PPP3R1: variants seen among roughly 807,000 people sequenced by gnomAD.
The protein encoded by PPP3R1 is calcineurin subunit B type 1.
A neutral mutation model predicts 22.6 loss-of-function variants in PPP3R1; 5 were observed. The observed-to-expected ratio is 0.22, with a 90% CI of 0.12 to 0.46. The LOEUF is 0.46. PPP3R1 is among the 20% of genes least tolerant of loss of function. The pLI is 0.99. For synonymous variants in PPP3R1, 56 were observed against 65.2 expected, an observed-to-expected ratio of 0.86 and a Z score of 0.68; for missense variants, 61 against 203.2, an observed-to-expected ratio of 0.30 and a Z score of 4.25.
In PPP3R1 at chr2:68,232,251, GTGTGTGTGTGTGTGTATA is replaced by G. The variant is rs1558641510; in HGVS notation, c.4-15138_4-15121del. Among the ~76,000 whole-genome samples, 61 of 77,512 alleles carry G rather than the reference GTGTGTGTGTGTGTGTATA, an allele frequency of 7.9e-4. 1 individual carries two copies. Among genetic ancestry groups the G allele is most frequent in the African/African-American group, 3.0e-3 (51 of 16,942 alleles). 50.9% of individuals were successfully genotyped at this position (77,512 alleles called of 152,430 possible). On this transcript the variant is annotated intron_variant, in intron 1 of 5. Transcript: ENST00000234310. ...TGTGTGTGTGTGTGTGTGTGTGTGT[GTGTGTGTGTGTGTGTATA>G]TATATATACACACACACAAAAATTA...
intron 1 of PPP3R1, among the ~76,000 whole-genome samples, chr2:68,235,059 A>G (rs1467520160): frequency 2.0e-5 from 3 of 152,202 alleles, no homozygotes; most frequent in African/African-American, 7.2e-5. Context: ...TAAATTTTGA[A>G]TGAAAAATTG....
rs367686317 is a variant in PPP3R1, at chr2:68,196,153, T to C, written c.44-7463A>G. ...AAAAGCTTGTACTGAATAACTCCTG[T>C]GAAGATCACAAAACAAAAAACCTCA... is the stretch of plus-strand genomic sequence containing the variant. On this transcript the variant is annotated intron_variant, in intron 2 of 5. Coordinates refer to ENST00000234310, the MANE Select transcript of PPP3R1 (RefSeq NM_000945.4). 4.5e-4 allele frequency among the ~76,000 whole-genome samples: 68 copies of C among 152,308 alleles called. 2 individuals are homozygous for C. In the East Asian group the frequency reaches 7.5e-3, roughly 17 times the overall value.
intron 2 of PPP3R1, among the ~76,000 whole-genome samples, chr2:68,200,738 T>C (rs1013317718): frequency 6.6e-6 from 1 of 152,228 alleles, no homozygotes; most frequent in African/African-American, 2.4e-5. Context: ...CCTGCATTTC[T>C]GGGCTAAATG....
chr2:68,217,367 C>A (rs1669600669), intron 1 of PPP3R1, among the ~76,000 whole-genome samples: 1 of 152,000 alleles, frequency 6.6e-6, no homozygotes, highest in South Asian at 2.1e-4. Flanking sequence ...AGGATTTATG[C>A]AAATATTTGA....
intron 5 of PPP3R1, among the ~76,000 whole-genome samples, chr2:68,182,088 C>CA (rs1553403359): frequency 0.01 from 1,185 of 115,740 alleles, 19 homozygotes; most frequent in Non-Finnish European, 0.017. Context: ...CCTCCCCCCA[C>CA]CACACACACA....
At chr2:68,219,886 A>C (rs1158889427) in intron 1 of PPP3R1, among the ~76,000 whole-genome samples, 1 of 152,260 alleles carries the variant, frequency 6.6e-6, no homozygotes, top group Admixed American at 6.5e-5. Flanking sequence ...TACTGACAAG[A>C]TCACTTGTTG....
At chr2:68,236,335 T>G (rs955834330) in intron 1 of PPP3R1, among the ~76,000 whole-genome samples, 5 of 152,118 alleles carry the variant, frequency 3.3e-5, no homozygotes, top group African/African-American at 1.2e-4. Context: ...AATGGCAGAG[T>G]TGAAATGGTG....
chr2:68,219,297 A>T (rs1402726075), intron 1 of PPP3R1, among the ~76,000 whole-genome samples: 1 of 151,830 alleles, frequency 6.6e-6, no homozygotes, highest in Non-Finnish European at 1.5e-5. Flanking sequence ...TAAAAAAGGA[A>T]ACCAAAGCAA....
intron 1 of PPP3R1, among the ~76,000 whole-genome samples, chr2:68,246,631 A>G (rs1318270584): frequency 1.3e-5 from 2 of 151,708 alleles, no homozygotes; most frequent in Non-Finnish European, 2.9e-5. Context: ...CCTCTTTAAG[A>G]CTCCCTTCAA....
At chr2:68,217,036 A>ACGCG in intron 2 of PPP3R1, 56 bp downstream of exon 2, 4 of 759,492 alleles carry the variant, frequency 5.3e-6, no homozygotes, top group East Asian at 3.8e-5. Context: ...ACACACACAC[A>ACGCG]CACAGAGAGA....
intron 1 of PPP3R1, 37 bp downstream of exon 1, chr2:68,252,088 G>T (rs1369616935): frequency 1.8e-5 from 26 of 1,415,836 alleles, no homozygotes; most frequent in Non-Finnish European, 2.4e-5. Flanking sequence ...GCGGCAGTAG[G>T]GGGAGGGATG....
At chr2:68,184,880 G>A (rs1158221680) in intron 5 of PPP3R1, among the ~76,000 whole-genome samples, 1 of 152,132 alleles carries the variant, frequency 6.6e-6, no homozygotes, top group Non-Finnish European at 1.5e-5. Context: ...TTGAAGCTAG[G>A]AGCTGGAGAC....
rs111929288 is a variant in PPP3R1 at position 68,199,050 on chromosome 2, G to A, written c.44-10360C>T. Among the ~76,000 whole-genome samples the A allele has an allele frequency of 6.4e-4, 97 of 152,142 alleles. 1 individual carries two copies. The highest frequency in any genetic ancestry group is 2.1e-3 in the African/African-American group (88 of 41,518). ...ACGATCTTGGCTCACTGCCACCTCCGCCTCCTGGGTTCACACCATTCTCCT... is the reference window on the plus strand; with the variant it reads ...ACGATCTTGGCTCACTGCCACCTCCACCTCCTGGGTTCACACCATTCTCCT... On this transcript the variant is annotated intron_variant, in intron 2 of 5. Coordinates refer to ENST00000234310, the MANE Select transcript of PPP3R1 (RefSeq NM_000945.4).
intron 1 of PPP3R1, among the ~76,000 whole-genome samples, chr2:68,243,483 CA>C (rs1168096213): frequency 2.6e-5 from 4 of 152,078 alleles, no homozygotes; most frequent in African/African-American, 9.7e-5. Context: ...TTTAAACAAT[CA>C]AGCTTGAGTT....
At chr2:68,215,323 AC>A (rs201113610) in intron 2 of PPP3R1, among the ~76,000 whole-genome samples, 11 of 150,522 alleles carry the variant, frequency 7.3e-5, no homozygotes, top group African/African-American at 2.0e-4. Flanking sequence ...ATATTCCAAA[AC>A]CCCCCCCAAA....
rs1341866483 is a variant in PPP3R1 at position 68,179,232 on chromosome 2, G to T, written c.*1731C>A. ...TGGAACAGTTCAAACCACTGGCTGG[G>T]ATTATAAGCCATGCCACTGATCCAG... On this transcript the variant is annotated 3_prime_UTR_variant, in exon 6 of 6. Coordinates refer to ENST00000234310, the MANE Select transcript of PPP3R1 (RefSeq NM_000945.4). 1 of 152,642 alleles carries T rather than the reference G, an allele frequency of 6.6e-6. No individual in the cohort carries two copies. Among genetic ancestry groups the T allele is most frequent in the Non-Finnish European group, 1.5e-5 (1 of 68,042 alleles). 9.5% of individuals were successfully genotyped at this position (152,642 alleles called of 1,614,324 possible). A position where few individuals can be genotyped will look rare whatever the true frequency, so the allele number is the denominator to read the frequency against.
intron 1 of PPP3R1, 26 bp downstream of exon 1, chr2:68,252,099 G>T (rs1401860640): frequency 7.0e-7 from 1 of 1,426,594 alleles, no homozygotes; most frequent in South Asian, 1.4e-5. Flanking sequence ...GGGAGGGATG[G>T]TGCATCGAGG....
chr2:68,222,730 G>C (rs952358819), intron 1 of PPP3R1, among the ~76,000 whole-genome samples: 36 of 152,110 alleles, frequency 2.4e-4, no homozygotes, highest in African/African-American at 8.7e-4. Flanking sequence ...CCATAATCAT[G>C]TGAGGCAATA....
intron 1 of PPP3R1, among the ~76,000 whole-genome samples, chr2:68,228,099 GTTC>G (rs1392381103): frequency 6.6e-6 from 1 of 152,054 alleles, no homozygotes; most frequent in Non-Finnish European, 1.5e-5. Flanking sequence ...TTTCACAGAT[GTTC>G]TTTATTCAAC....
Sources: allele counts gnomAD v4.1 joint callset (sites outside exome capture counted in the v4.1 genomes callset), GRCh38; gene constraint gnomAD v4.1.1; transcripts MANE v1.5; gene names NCBI Gene and HGNC (gene_info 2026-07-23, HGNC 2026-07-21).